Variants in HOMER1 observed in about 807,000 individuals in gnomAD.
HOMER1 encodes homer protein homolog 1.
In HOMER1, 3 loss-of-function variants were observed where a neutral mutation model predicts 48.9. The ratio of observed to expected loss-of-function variants is 0.06; its 90% CI spans 0.03 to 0.16. HOMER1 has a LOEUF of 0.16. HOMER1 is among the 10% of genes least tolerant of loss of function. The pLI is 1.00. For missense variants in HOMER1, 247 were observed against 411.4 expected (o/e 0.60, Z 3.46); for synonymous variants, 134 against 146.4 (o/e 0.92, Z 0.61).
At chr5:79,399,096 T>C (rs1749469380) in intron 6 of HOMER1, among the ~76,000 whole-genome samples, 2 of 152,188 alleles carry the variant, frequency 1.3e-5, no homozygotes, top group Non-Finnish European at 2.9e-5. Context: ...ATTCTGATAA[T>C]GATGAAATAG....
intron 8 of HOMER1, among the ~76,000 whole-genome samples, chr5:79,392,988 A>AGAGAGAGAGAG (rs56107183): frequency 1.5e-5 from 2 of 134,670 alleles, no homozygotes; most frequent in Non-Finnish European, 1.6e-5. Context: ...AGAGAGAGAG[A>AGAGAGAGAGAG]AGAGAGCCAT....
chr5:79,425,168 A>G (rs1210367300), intron 5 of HOMER1, among the ~76,000 whole-genome samples: 2 of 151,974 alleles, frequency 1.3e-5, no homozygotes, highest in Non-Finnish European at 2.9e-5. Context: ...CTTCCACAAG[A>G]AATGGTGACT....
chr5:79,503,040 G>A (rs1053477662), intron 1 of HOMER1, among the ~76,000 whole-genome samples: 40 of 152,056 alleles, frequency 2.6e-4, no homozygotes, highest in African/African-American at 8.4e-4. Context: ...GCCCGCCTTG[G>A]CCTCCCAAAG....
At chr5:79,463,198 T>C (rs528279196) in intron 1 of HOMER1, among the ~76,000 whole-genome samples, 5 of 152,338 alleles carry the variant, frequency 3.3e-5, no homozygotes, top group East Asian at 1.9e-4. Context: ...CCCTCTTCCA[T>C]ATGACTGTGA....
At chr5:79,468,702 C>T (rs1463042292) in intron 1 of HOMER1, among the ~76,000 whole-genome samples, 2 of 152,132 alleles carry the variant, frequency 1.3e-5, no homozygotes, top group African/African-American at 2.4e-5. Flanking sequence ...TTCTTGTGCA[C>T]GCACACAAGA....
At chr5:79,459,580 T>C (rs1468436270) in intron 1 of HOMER1, among the ~76,000 whole-genome samples, 1 of 152,194 alleles carries the variant, frequency 6.6e-6, no homozygotes, top group Non-Finnish European at 1.5e-5. Context: ...GGAACAGAAT[T>C]CCTAGAAGTA....
rs1201891548 is a variant in HOMER1, at chr5:79,375,843, T to C, written c.*166A>G. 9.5e-6 allele frequency: 4 copies of C among 421,766 alleles called. No individual in the cohort carries two copies. The highest frequency in any genetic ancestry group is 8.2e-6 in the Non-Finnish European group (2 of 244,134). The allele number at this position is 421,766 out of a possible 1,614,324, so 26.1% of individuals were successfully genotyped here. A position where few individuals can be genotyped will look rare whatever the true frequency, so the allele number is the denominator to read the frequency against. ...ACTAGCTACAAGCTGGATTCTAAAA[T>C]TTACAGTGAAATATACAATTCCAAT... is the stretch of plus-strand genomic sequence containing the variant. On this transcript the variant is annotated 3_prime_UTR_variant, in exon 9 of 9. Transcript: ENST00000334082.
chr5:79,450,855 C>G (rs1751008671), intron 3 of HOMER1, 135 bp downstream of exon 3: 2 of 780,970 alleles, frequency 2.6e-6, no homozygotes, highest in South Asian at 4.8e-5. Flanking sequence ...ACTTCTTGCT[C>G]TGAAGTCACT....
chr5:79,512,914 C>G lies in HOMER1; in HGVS notation c.-140G>C. 1 of 739,688 alleles carries G rather than the reference C, an allele frequency of 1.4e-6. No homozygotes were observed. Among genetic ancestry groups the G allele is most frequent in the Non-Finnish European group, 2.4e-6 (1 of 421,484 alleles). The allele number at this position is 739,688 out of a possible 1,614,324, so 45.8% of individuals were successfully genotyped here. A position where few individuals can be genotyped will look rare whatever the true frequency, so the allele number is the denominator to read the frequency against. On this transcript the variant is annotated 5_prime_UTR_variant, in exon 1 of 9. Coordinates refer to ENST00000334082, the MANE Select transcript of HOMER1 (RefSeq NM_004272.5). ...CTTGTCCGGAGGTATTTCAAGGATG[C>G]TGCCAATTCAATTAGTTCTCTTAGG...
At chr5:79,454,935 T>A (rs1751128034) in intron 2 of HOMER1, among the ~76,000 whole-genome samples, 1 of 152,162 alleles carries the variant, frequency 6.6e-6, no homozygotes, top group Admixed American at 6.5e-5. Flanking sequence ...GTATTTTTAT[T>A]CATTCCTTTT....
At chr5:79,388,464 T>C (rs745876093) in intron 8 of HOMER1, among the ~76,000 whole-genome samples, 5 of 152,032 alleles carry the variant, frequency 3.3e-5, no homozygotes, top group Non-Finnish European at 4.4e-5. Context: ...AAATAGAAAA[T>C]AGAAAATACT....
intron 1 of HOMER1, among the ~76,000 whole-genome samples, chr5:79,464,893 T>C (rs1256991387): frequency 6.6e-6 from 1 of 152,200 alleles, no homozygotes; most frequent in African/African-American, 2.4e-5. Flanking sequence ...CACATAATTA[T>C]ACTGCAACAA....
chr5:79,418,776 C>A (rs533193063), intron 5 of HOMER1, among the ~76,000 whole-genome samples: 43 of 152,320 alleles, frequency 2.8e-4, no homozygotes, highest in African/African-American at 9.9e-4. Flanking sequence ...GTTTTTCAAA[C>A]TGAACTACAA....
intron 2 of HOMER1, among the ~76,000 whole-genome samples, chr5:79,454,021 T>C (rs1751097264): frequency 6.6e-6 from 1 of 152,110 alleles, no homozygotes. Context: ...TAGATTTTGT[T>C]AAAAAAATAC....
rs1297913224 is a variant in HOMER1, at chr5:79,437,753, A to G, written c.527+1257T>C. Among the ~76,000 whole-genome samples the G allele has an allele frequency of 2.6e-5, 4 of 152,144 alleles. No individual in the cohort carries two copies. In the East Asian group the frequency reaches 7.7e-4, roughly 29 times the overall value. On this transcript the variant is annotated intron_variant, in intron 5 of 8. Transcript: ENST00000334082. ...CTGCAGCCTTGGATTCCCAGGCTCA[A>G]GTGATCCTCCTTCCTCAGCCTCCCA...
chr5:79,409,609 G>C (rs906131670), intron 5 of HOMER1, among the ~76,000 whole-genome samples: 1 of 152,144 alleles, frequency 6.6e-6, no homozygotes, highest in Admixed American at 6.6e-5. Flanking sequence ...TCCATGGAAA[G>C]AGAGAAAATA....
At chr5:79,505,811 C>T (rs1423116913) in intron 1 of HOMER1, among the ~76,000 whole-genome samples, 1 of 151,980 alleles carries the variant, frequency 6.6e-6, no homozygotes, top group African/African-American at 2.4e-5. Context: ...AAAACAATGA[C>T]TTTTTGCCTT....
chr5:79,442,678 G>A (rs975347863), intron 4 of HOMER1, among the ~76,000 whole-genome samples: 5 of 152,184 alleles, frequency 3.3e-5, no homozygotes, highest in Non-Finnish European at 5.9e-5. Context: ...AAACATTCAT[G>A]GAAGACTCAG....
chr5:79,377,328 A>G (rs1748802486), intron 8 of HOMER1, among the ~76,000 whole-genome samples: 1 of 152,248 alleles, frequency 6.6e-6, no homozygotes, highest in South Asian at 2.1e-4. Flanking sequence ...CTAAAAAAAT[A>G]AAATGACATA....
Sources: gnomAD v4.1 joint callset for allele counts (sites outside exome capture counted in the v4.1 genomes callset) on GRCh38, gnomAD v4.1.1 for gene constraint, MANE v1.5 for transcripts, NCBI Gene and HGNC (gene_info 2026-07-23, HGNC 2026-07-21) for gene names.